The following RGS6 variants were observed in gnomAD, a reference collection of about 807,000 sequenced individuals.
RGS6 encodes the protein regulator of G protein signaling 6.
In RGS6, 30 loss-of-function variants were observed where a neutral mutation model predicts 78.5. The ratio of observed to expected loss-of-function variants is 0.38; its 90% CI spans 0.29 to 0.52. The LOEUF is 0.52. RGS6 is among the 20% of genes least tolerant of loss of function. The pLI is 0.85. For synonymous variants in RGS6, 206 were observed against 206.0 expected (o/e 1.00, Z 0.00); for missense variants, 495 against 609.7 (o/e 0.81, Z 1.98).
intron 2 of RGS6, among the ~76,000 whole-genome samples, chr14:72,171,756 T>C (rs1452262124): frequency 6.6e-6 from 1 of 152,248 alleles, no homozygotes; most frequent in Non-Finnish European, 1.5e-5. Context: ...TGAGTTCAAT[T>C]ACCCTGACCT....
chr14:72,042,129 C>CTTTTTTTTTTTTT (rs202194668), intron 2 of RGS6, among the ~76,000 whole-genome samples: 8 of 134,520 alleles, frequency 5.9e-5, no homozygotes, highest in Non-Finnish European at 9.4e-5. Context: ...TTTTCTTTTT[C>CTTTTTTTTTTTTT]TTTTTTTTTT....
At chr14:72,312,031 G>C (rs1466988364) in intron 2 of RGS6, among the ~76,000 whole-genome samples, 1 of 152,170 alleles carries the variant, frequency 6.6e-6, no homozygotes, top group Non-Finnish European at 1.5e-5. Context: ...AGAAGCAACT[G>C]TTCTTGGGTA....
At chr14:72,011,676 A>G (rs1308913692) in intron 2 of RGS6, among the ~76,000 whole-genome samples, 1 of 152,206 alleles carries the variant, frequency 6.6e-6, no homozygotes, top group African/African-American at 2.4e-5. Context: ...TGATCTACAG[A>G]TGATTTAAAG....
At chr14:71,890,621 C>A in the RGS6 span, among the ~76,000 whole-genome samples, 1 of 152,332 alleles carries the variant, frequency 6.6e-6, no homozygotes, top group South Asian at 2.1e-4. Flanking sequence ...CCTGCAGATT[C>A]TGCCATGGAT....
the RGS6 span, among the ~76,000 whole-genome samples, chr14:72,583,151 C>T: frequency 2.0e-5 from 3 of 152,146 alleles, no homozygotes; most frequent in African/African-American, 4.8e-5. Flanking sequence ...GGTCTCAGGC[C>T]GTCAGCCTCA....
chr14:72,418,578 CCAGA>C (rs757250148), intron 3 of RGS6, among the ~76,000 whole-genome samples: 121 of 152,308 alleles, frequency 7.9e-4, no homozygotes, highest in Non-Finnish European at 1.5e-3. Context: ...AATAGGACAG[CCAGA>C]TACAGGCTGA....
chr14:72,124,429 G>A (rs1431278931), intron 2 of RGS6, among the ~76,000 whole-genome samples: 2 of 152,098 alleles, frequency 1.3e-5, no homozygotes, highest in East Asian at 1.9e-4. Flanking sequence ...TTTGATTCTA[G>A]GTAAAGACTT....
In RGS6 at chr14:72,061,896, T is replaced by G. The variant is rs1324667672; in HGVS notation, c.84+97021T>G. 6.6e-5 allele frequency among the ~76,000 whole-genome samples: 10 copies of G among 152,334 alleles called. No homozygotes were observed. In the East Asian group the frequency reaches 1.9e-3, roughly 29 times the overall value. ...ATTTGGTGATTCACTCCACAAACAT[T>G]TATTGGGCATTTGGTATAAACCAGG... On this transcript the variant is annotated intron_variant, in intron 2 of 17. Transcript: ENST00000553525.
chr14:71,963,114 A>G (rs1363278765), intron 1 of RGS6, among the ~76,000 whole-genome samples: 5 of 152,276 alleles, frequency 3.3e-5, no homozygotes, highest in South Asian at 2.1e-4. Context: ...TGCTGAGGAC[A>G]ATGTAGAGGA....
chr14:72,321,796 A>G (rs1379685091), intron 2 of RGS6, among the ~76,000 whole-genome samples: 1 of 151,980 alleles, frequency 6.6e-6, no homozygotes, highest in Non-Finnish European at 1.5e-5. Flanking sequence ...GATGGCCTAA[A>G]TAACATAAGT....
At chr14:72,460,597 G>A (rs1453617413) in intron 6 of RGS6, among the ~76,000 whole-genome samples, 4 of 152,166 alleles carry the variant, frequency 2.6e-5, no homozygotes, top group East Asian at 1.9e-4. Flanking sequence ...CTTCTTTCAC[G>A]GTCCCATGTG....
intron 2 of RGS6, among the ~76,000 whole-genome samples, chr14:72,107,434 T>G (rs540437780): frequency 9.2e-4 from 140 of 152,250 alleles, no homozygotes; most frequent in African/African-American, 2.9e-3. Flanking sequence ...GCTCATCTTG[T>G]GTATTTCCTG....
chr14:72,514,887 C>G (rs2096921247), intron 14 of RGS6, among the ~76,000 whole-genome samples: 1 of 152,174 alleles, frequency 6.6e-6, no homozygotes, highest in Non-Finnish European at 1.5e-5. Context: ...TTCCCATGGG[C>G]AGCAGATGTG....
chr14:72,265,238 G>A lies in RGS6; in HGVS notation c.85-86857G>A, dbSNP rs144043073. Reference sequence around the variant, plus strand: ...TGGGGTGTGGTGGGCATGGTGACACGGTGCTGGGCATCCTTGCATACATGA... The same window carrying A: ...TGGGGTGTGGTGGGCATGGTGACACAGTGCTGGGCATCCTTGCATACATGA... On this transcript the variant is annotated intron_variant, in intron 2 of 17. Transcript: ENST00000553525. Among the ~76,000 whole-genome samples the A allele has an allele frequency of 4.4e-3, 675 of 152,250 alleles. 2 individuals carry two copies. Among genetic ancestry groups the A allele is most frequent in the African/African-American group, 0.015 (639 of 41,554 alleles).
At chr14:71,872,100 C>T in the RGS6 span, among the ~76,000 whole-genome samples, 1 of 152,062 alleles carries the variant, frequency 6.6e-6, no homozygotes, top group Non-Finnish European at 1.5e-5. Flanking sequence ...GGACTCTGGC[C>T]CTGGTTTAGA....
chr14:72,199,719 A>G (rs552193649), intron 2 of RGS6, among the ~76,000 whole-genome samples: 26 of 152,336 alleles, frequency 1.7e-4, no homozygotes, highest in African/African-American at 6.3e-4. Context: ...TATTGACTTT[A>G]GAACCAGATC....
chr14:72,272,734 A>C (rs1368153047), intron 2 of RGS6, among the ~76,000 whole-genome samples: 1 of 152,202 alleles, frequency 6.6e-6, no homozygotes, highest in Non-Finnish European at 1.5e-5. Context: ...AAATTATGCC[A>C]AAAGAGTAAT....
At chr14:72,235,110 G>A (rs1302205696) in intron 2 of RGS6, among the ~76,000 whole-genome samples, 1 of 152,142 alleles carries the variant, frequency 6.6e-6, no homozygotes, top group Non-Finnish European at 1.5e-5. Context: ...GTAAACTTGG[G>A]GACAGCAGGT....
chr14:72,289,610 A>G (rs2063220603), intron 2 of RGS6, among the ~76,000 whole-genome samples: 1 of 152,132 alleles, frequency 6.6e-6, no homozygotes, highest in Non-Finnish European at 1.5e-5. Context: ...AGTTACTACT[A>G]CCTTTTTCAA....
Sources: gnomAD v4.1 joint callset for allele counts (sites outside exome capture counted in the v4.1 genomes callset) on GRCh38, gnomAD v4.1.1 for gene constraint, MANE v1.5 for transcripts, NCBI Gene and HGNC (gene_info 2026-07-23, HGNC 2026-07-21) for gene names.